SPON1: variants seen among roughly 807,000 people sequenced by gnomAD.
SPON1 encodes spondin-1.
SPON1 carries 52 observed loss-of-function variants against 111.7 expected under a neutral mutation model. The ratio of observed to expected loss-of-function variants is 0.47; its 90% CI spans 0.37 to 0.59. The LOEUF (loss-of-function observed/expected upper bound fraction) is 0.59. Ranked by LOEUF, SPON1 falls within the 20% of genes least tolerant of loss-of-function variation. The probability of loss-of-function intolerance (pLI) is 0.00; values close to 1 mark genes in which losing one functional copy is unlikely to be tolerated. For missense variants in SPON1, 957 were observed against 1,068.5 expected (o/e 0.90, Z 1.46); for synonymous variants, 410 against 395.8 (o/e 1.04, Z -0.43).
At chr11:14,059,405 T>A (rs572058721) in intron 3 of SPON1, among the ~76,000 whole-genome samples, 3 of 152,098 alleles carry the variant, frequency 2.0e-5, no homozygotes, top group Non-Finnish European at 4.4e-5. Context: ...CTCTTTTGCA[T>A]GTGGTCTCAG....
intron 6 of SPON1, among the ~76,000 whole-genome samples, chr11:14,222,933 C>A (rs79498611): frequency 1.7e-3 from 261 of 152,286 alleles, no homozygotes; most frequent in African/African-American, 5.9e-3. Flanking sequence ...ACTGTCCCAC[C>A]CATCCTTTAC....
At position 14,146,597 on chromosome 11, in the gene SPON1, T is replaced by C. The variant is rs115526289; in HGVS notation, c.825+11029T>C. On this transcript the variant is annotated intron_variant, in intron 6 of 15. Transcript: ENST00000576479. ...AAATCCCAGATAATTTTTTAAAAATTATACAGGCTGACGCTATAGAAATAG... is the reference window on the plus strand; with the variant it reads ...AAATCCCAGATAATTTTTTAAAAATCATACAGGCTGACGCTATAGAAATAG... Among the ~76,000 whole-genome samples, 802 of 152,310 alleles carry C rather than the reference T, an allele frequency of 5.3e-3. 4 individuals carry two copies. The highest frequency in any genetic ancestry group is 0.019 in the African/African-American group (771 of 41,572).
chr11:14,193,807 C>G (rs575390719), intron 6 of SPON1, among the ~76,000 whole-genome samples: 1 of 152,332 alleles, frequency 6.6e-6, no homozygotes, highest in South Asian at 2.1e-4. Flanking sequence ...CAGGAGGGCT[C>G]ATGGCAGGGC....
Position 14,259,583 on chromosome 11 carries a change from C to G in SPON1, c.1713C>G (p.Ser571Arg), listed in dbSNP as rs781791021. ...MTEWGEWDEC[S>R]ATCGMGMKKR... is the part of the protein sequence containing the mutation. The stretch of plus-strand genomic sequence containing the variant: ...AGTGGGGCGAGTGGGACGAGTGCAG[C>G]GCCACCTGCGGCATGGGCATGAAGA... Residue 571 changes from serine (S) to arginine (R), a missense_variant, in exon 13 of 16, where the codon AGC becomes AGG. Around this residue, in one of 5 missense-constraint regions of SPON1, gnomAD observed 549 missense variants for 606.2 expected, o/e 0.91. Transcript: ENST00000576479. The surrounding 1 kb of genome is among the most constrained non-coding windows in gnomAD (Gnocchi z 5.0). 6.4e-7 allele frequency: 1 copy of G among 1,554,576 alleles called. No homozygotes were observed. Among genetic ancestry groups the G allele is most frequent in the East Asian group, 2.4e-5 (1 of 41,138 alleles).
At chr11:14,264,732 T>TGTG (rs1279127584) in intron 15 of SPON1, among the ~76,000 whole-genome samples, 2 of 152,172 alleles carry the variant, frequency 1.3e-5, no homozygotes, top group Non-Finnish European at 2.9e-5. Flanking sequence ...TAACCATAAA[T>TGTG]GTGGTGGGTT....
intron 6 of SPON1, among the ~76,000 whole-genome samples, chr11:14,169,610 T>A (rs1848072826): frequency 6.6e-6 from 1 of 151,736 alleles, no homozygotes; most frequent in Admixed American, 6.6e-5. Context: ...TAGGTTTTCT[T>A]CTAGGGTTTT....
At chr11:14,108,772 TAAGAA>T (rs527598798) in intron 5 of SPON1, among the ~76,000 whole-genome samples, 7 of 151,582 alleles carry the variant, frequency 4.6e-5, no homozygotes, top group Non-Finnish European at 8.8e-5. Context: ...TTTTTGTAAA[TAAGAA>T]AAGAGAAGTC....
At chr11:14,050,187 A>G (rs10832171) in intron 3 of SPON1, among the ~76,000 whole-genome samples, 61,263 of 152,138 alleles carry the variant, frequency 0.4, 13,349 homozygotes, top group South Asian at 0.57. Context: ...AAATTCCTTA[A>G]CATGATGTCT....
In SPON1 at chr11:14,211,980, A is replaced by G. The variant is rs568394314; in HGVS notation, c.826-31352A>G. On this transcript the variant is annotated intron_variant, in intron 6 of 15. Coordinates refer to ENST00000576479, the MANE Select transcript of SPON1 (RefSeq NM_006108.4). ...TTTAATCTTAATCCATTATTGATTC[A>G]TTATTTAAAATAGGTATCTTTATCA... Among the ~76,000 whole-genome samples, 10 of 152,256 alleles carry G rather than the reference A, an allele frequency of 6.6e-5. No homozygotes were observed. In the South Asian group the frequency reaches 1.5e-3, roughly 22 times the overall value.
chr11:14,111,256 T>C (rs1431449804), intron 5 of SPON1, among the ~76,000 whole-genome samples: 7 of 152,226 alleles, frequency 4.6e-5, no homozygotes, highest in Admixed American at 1.3e-4. Context: ...ACTCTCTATA[T>C]GATGAACACA....
chr11:14,240,663 C>T (rs1211931085), intron 6 of SPON1, among the ~76,000 whole-genome samples: 1 of 149,216 alleles, frequency 6.7e-6, no homozygotes, highest in Non-Finnish European at 1.5e-5. Flanking sequence ...AGCAAAATCA[C>T]TATATCAGCT....
intron 5 of SPON1, among the ~76,000 whole-genome samples, chr11:14,091,242 A>T (rs1216737667): frequency 6.6e-6 from 1 of 152,148 alleles, no homozygotes; most frequent in Non-Finnish European, 1.5e-5. Context: ...TCCCCACCAG[A>T]CTCAGGAGCC....
intron 7 of SPON1, among the ~76,000 whole-genome samples, chr11:14,252,665 G>C (rs899111895): frequency 6.7e-6 from 1 of 148,262 alleles, no homozygotes; most frequent in African/African-American, 2.5e-5. Flanking sequence ...TGGGAATCCA[G>C]CGCTATGTAC....
At chr11:14,004,698 A>G (rs1410602162) in intron 2 of SPON1, among the ~76,000 whole-genome samples, 2 of 152,106 alleles carry the variant, frequency 1.3e-5, no homozygotes, top group Admixed American at 6.5e-5. Context: ...TTTTTCTGCT[A>G]TTGAGTTTTA....
intron 6 of SPON1, among the ~76,000 whole-genome samples, chr11:14,225,827 A>T (rs1397231528): frequency 6.6e-6 from 1 of 152,198 alleles, no homozygotes; most frequent in African/African-American, 2.4e-5. Flanking sequence ...TAAGTACGTG[A>T]TGTTTAAGAG....
chr11:13,999,567 G>T (rs1848300263), intron 2 of SPON1, among the ~76,000 whole-genome samples: 1 of 151,978 alleles, frequency 6.6e-6, no homozygotes, highest in Non-Finnish European at 1.5e-5. Flanking sequence ...CATCACACCT[G>T]GCTAACTTTT....
At chr11:14,205,718 G>A (rs1054939798) in intron 6 of SPON1, among the ~76,000 whole-genome samples, 13 of 152,170 alleles carry the variant, frequency 8.5e-5, no homozygotes, top group African/African-American at 2.7e-4. Flanking sequence ...AAATTCTCAC[G>A]AGACTTCCTG....
chr11:14,000,682 T>C (rs7102345), intron 2 of SPON1, among the ~76,000 whole-genome samples: 4,442 of 151,538 alleles, frequency 0.029, 213 homozygotes, highest in African/African-American at 0.1. Context: ...GCTGACACCC[T>C]CAGGACTTCT....
chr11:14,060,544 C>T lies in SPON1; in HGVS notation c.480-14801C>T, dbSNP rs1003186320. ...CTACCTCATAGGCAGGAGAATTAAACGAGATAACCAGGGATTCTTGGCCCT... is the reference window on the plus strand; with the variant it reads ...CTACCTCATAGGCAGGAGAATTAAATGAGATAACCAGGGATTCTTGGCCCT... On this transcript the variant is annotated intron_variant, in intron 3 of 15. Coordinates refer to ENST00000576479, the MANE Select transcript of SPON1 (RefSeq NM_006108.4). 1.7e-4 allele frequency among the ~76,000 whole-genome samples: 26 copies of T among 152,164 alleles called. 1 individual carries two copies. The highest frequency in any genetic ancestry group is 2.6e-4 in the Non-Finnish European group (18 of 68,038).
Sources: gnomAD v4.1 joint callset for allele counts (sites outside exome capture counted in the v4.1 genomes callset) on GRCh38, gnomAD v4.1.1 for gene constraint, gnomAD v4.1.1 regional missense constraint, Gnocchi (gnomAD v3.1) non-coding constraint, MANE v1.5 for transcripts, NCBI Gene and HGNC (gene_info 2026-07-23, HGNC 2026-07-21) for gene names.